ENOX1: variants seen among roughly 807,000 people sequenced by gnomAD.
ENOX1 encodes ecto-NOX disulfide-thiol exchanger 1.
A neutral mutation model predicts 82.5 loss-of-function variants in ENOX1; 42 were observed. The ratio of observed to expected loss-of-function variants is 0.51; its 90% CI spans 0.40 to 0.66. ENOX1 has a LOEUF of 0.66. Ranked by LOEUF, ENOX1 falls within the 30% of genes least tolerant of loss-of-function variation. The pLI, the probability that ENOX1 is intolerant of heterozygous loss-of-function variation, is 0.00. For synonymous variants in ENOX1, 271 were observed against 282.2 expected, an observed-to-expected ratio of 0.96 and a Z score of 0.40; for missense variants, 608 against 811.6, an observed-to-expected ratio of 0.75 and a Z score of 3.05.
intron 3 of ENOX1, among the ~76,000 whole-genome samples, chr13:43,463,028 T>G (rs2057558993): frequency 6.6e-6 from 1 of 152,196 alleles, no homozygotes; most frequent in Non-Finnish European, 1.5e-5. Context: ...AAGAAGAAAA[T>G]TATTCAGGTA....
chr13:43,447,148 T>C (rs1245069137), intron 3 of ENOX1, among the ~76,000 whole-genome samples: 1 of 152,216 alleles, frequency 6.6e-6, no homozygotes, highest in Non-Finnish European at 1.5e-5. Context: ...GTCTTTTAAA[T>C]AACACATTGC....
At chr13:43,454,217 A>G (rs2057112775) in intron 3 of ENOX1, among the ~76,000 whole-genome samples, 1 of 151,992 alleles carries the variant, frequency 6.6e-6, no homozygotes, top group Non-Finnish European at 1.5e-5. Context: ...CCCTTCCCCC[A>G]CTTTGCCTAC....
intron 12 of ENOX1, among the ~76,000 whole-genome samples, chr13:43,283,476 T>G (rs1266039696): frequency 2.0e-5 from 3 of 152,114 alleles, no homozygotes; most frequent in African/African-American, 7.2e-5. Context: ...AGGATCTCAC[T>G]CTGTTACCCA....
At chr13:43,472,407 G>A (rs1172888096) in intron 3 of ENOX1, among the ~76,000 whole-genome samples, 1 of 152,122 alleles carries the variant, frequency 6.6e-6, no homozygotes, top group Non-Finnish European at 1.5e-5. Flanking sequence ...GGCTCCCTAA[G>A]TGAATGAGCT....
chr13:43,400,672 T>C (rs182363666), intron 5 of ENOX1, among the ~76,000 whole-genome samples: 2 of 152,234 alleles, frequency 1.3e-5, no homozygotes, highest in African/African-American at 2.4e-5. Flanking sequence ...GGTTCGAAAA[T>C]GGAAATCTGC....
intron 5 of ENOX1, among the ~76,000 whole-genome samples, chr13:43,368,776 T>C (rs1594177795): frequency 6.6e-6 from 1 of 152,208 alleles, no homozygotes; most frequent in East Asian, 1.9e-4. Flanking sequence ...AACCAAAGAT[T>C]AGGAAATTTC....
At chr13:43,345,495 GAAGT>G (rs5803175) in intron 8 of ENOX1, among the ~76,000 whole-genome samples, 30,762 of 151,974 alleles carry the variant, frequency 0.2, 4,157 homozygotes, top group East Asian at 0.57. Context: ...AGTGGGAAAT[GAAGT>G]TCCGCCTGAA....
At chr13:43,764,338 T>C (rs75250770) in intron 1 of ENOX1, among the ~76,000 whole-genome samples, 2,278 of 152,280 alleles carry the variant, frequency 0.015, 51 homozygotes, top group African/African-American at 0.05. Flanking sequence ...TCTGCTTGAA[T>C]AGAGGGCCTT....
intron 1 of ENOX1, among the ~76,000 whole-genome samples, chr13:43,780,040 A>G (rs1952170085): frequency 6.6e-6 from 1 of 152,068 alleles, no homozygotes; most frequent in Admixed American, 6.5e-5. Flanking sequence ...GAGCACCTGT[A>G]GTCCCAGCTA....
At chr13:43,623,113 C>G (rs962129762) in intron 2 of ENOX1, among the ~76,000 whole-genome samples, 1 of 152,128 alleles carries the variant, frequency 6.6e-6, no homozygotes, top group African/African-American at 2.4e-5. Flanking sequence ...ACCATGCCCC[C>G]CTCAACAGCC....
chr13:43,570,063 A>C (rs555203886), intron 2 of ENOX1, among the ~76,000 whole-genome samples: 1 of 152,328 alleles, frequency 6.6e-6, no homozygotes, highest in South Asian at 2.1e-4. Context: ...TTTAGGACAC[A>C]TTCAATATAA....
In ENOX1 at chr13:43,236,670, T is replaced by C; in HGVS notation, c.1680A>G (p.Gln560=). ...GAGCTTCTTTCTCTGATTTTAAGCC[T>C]TGGCTTCTTTTCTCAATATTGTTCT... is the stretch of plus-strand genomic sequence containing the variant. The part of the protein sequence containing the change: ...DRENNIEKRS[Q]GLKSEKEALL... Residue 560 remains glutamine (Q), a synonymous_variant, in exon 15 of 17, where the codon CAA becomes CAG. Coordinates refer to ENST00000690772, the MANE Select transcript of ENOX1 (RefSeq NM_001347969.2). The C allele has an allele frequency of 6.3e-7, 1 of 1,587,790 alleles. No individual in the cohort carries two copies. The highest frequency in any genetic ancestry group is 8.5e-7 in the Non-Finnish European group (1 of 1,173,392).
chr13:43,471,809 CAAA>C (rs5803181), intron 3 of ENOX1, among the ~76,000 whole-genome samples: 2 of 124,556 alleles, frequency 1.6e-5, no homozygotes, highest in East Asian at 2.8e-4. Flanking sequence ...GACTCCGTCT[CAAA>C]AAAAAAAAAA....
At chr13:43,316,330 C>G (rs1045305481) in intron 11 of ENOX1, among the ~76,000 whole-genome samples, 2 of 152,152 alleles carry the variant, frequency 1.3e-5, no homozygotes, top group African/African-American at 4.8e-5. Flanking sequence ...AGGGAAAGTC[C>G]TTGGTCCTGT....
chr13:43,784,223 A>C (rs901330339), intron 1 of ENOX1, among the ~76,000 whole-genome samples: 4 of 152,254 alleles, frequency 2.6e-5, no homozygotes, highest in Non-Finnish European at 5.9e-5. Context: ...AATATTTTGC[A>C]TGTATGCATA....
rs540322268 is a variant in ENOX1, at chr13:43,313,491, T to C, written c.1261+8893A>G. Reference sequence around the variant, plus strand: ...GGGAGTATTCCTCAATCAACATGGATTTTTTCATAGATTCTCCTAGGTAAT... The same window carrying C: ...GGGAGTATTCCTCAATCAACATGGACTTTTTCATAGATTCTCCTAGGTAAT... On this transcript the variant is annotated intron_variant, in intron 11 of 16. Transcript: ENST00000690772. Among the ~76,000 whole-genome samples, 24 of 152,126 alleles carry C rather than the reference T, an allele frequency of 1.6e-4. No individual in the cohort carries two copies. The East Asian group carries it at 4.6e-3, about 29-fold the overall frequency.
intron 1 of ENOX1, among the ~76,000 whole-genome samples, chr13:43,729,071 G>C (rs2089168237): frequency 6.6e-6 from 1 of 152,114 alleles, no homozygotes; most frequent in African/African-American, 2.4e-5. Context: ...TTTTGCACAT[G>C]AGAAAACTGA....
chr13:43,624,820 G>A (rs1038270296), intron 2 of ENOX1, among the ~76,000 whole-genome samples: 1 of 151,918 alleles, frequency 6.6e-6, no homozygotes, highest in Non-Finnish European at 1.5e-5. Flanking sequence ...TCATAAAATT[G>A]CCTAGACTAA....
chr13:43,700,485 A>C (rs956506323), intron 1 of ENOX1, among the ~76,000 whole-genome samples: 1 of 152,028 alleles, frequency 6.6e-6, no homozygotes, highest in African/African-American at 2.4e-5. Context: ...GTTATTTTTG[A>C]CTTTTTATTC....
Sources: allele counts gnomAD v4.1 joint callset (sites outside exome capture counted in the v4.1 genomes callset), GRCh38; gene constraint gnomAD v4.1.1; transcripts MANE v1.5; gene names NCBI Gene and HGNC (gene_info 2026-07-23, HGNC 2026-07-21).